Variants in EDDM13 observed in about 807,000 individuals in gnomAD.
EDDM13 encodes the protein epididymal protein 13.
Under a neutral mutation model 17.8 loss-of-function variants are expected in EDDM13, and 24 were observed. The ratio of observed to expected loss-of-function variants is 1.35; its 90% CI spans 0.98 to 1.90. The LOEUF is 1.90. Ranked by LOEUF, EDDM13 falls within the 40% of genes most tolerant of loss-of-function variation. The probability of loss-of-function intolerance (pLI) is 0.00; values close to 1 mark genes in which losing one functional copy is unlikely to be tolerated. For missense variants in EDDM13, 97 were observed against 100.8 expected (o/e 0.96, Z 0.16); for synonymous variants, 31 against 37.5 (o/e 0.83, Z 0.63).
rs914408836 is a variant in EDDM13, at chr19:56,283,086, A to G, written c.118+587A>G. ...TCCTTCCTAGGTGGGGCAATCTTAG[A>G]GAAGTCACTTCACCTCTCTGTGCCT... On this transcript the variant is annotated intron_variant, in intron 4 of 14. Transcript: ENST00000649256. 5 of 152,316 alleles carry G rather than the reference A, an allele frequency of 3.3e-5. 1 individual carries two copies. The highest frequency in any genetic ancestry group is 3.3e-4 in the Admixed American group (5 of 15,290). 9.4% of individuals were successfully genotyped at this position (152,316 alleles called of 1,614,324 possible).
chr19:56,284,896 G>A (rs968207953), intron 5 of EDDM13, 102 bp from the exon 6 acceptor site: 9 of 471,070 alleles, frequency 1.9e-5, no homozygotes, highest in East Asian at 3.1e-4. Context: ...CACACTTCCT[G>A]AAGAAGAGTT....
chr19:56,294,676 C>G (rs138946977), intron 9 of EDDM13, among the ~76,000 whole-genome samples: 3 of 152,148 alleles, frequency 2.0e-5, no homozygotes, highest in African/African-American at 7.2e-5. Flanking sequence ...GTAGACAACA[C>G]ATTGTGAATG....
At position 56,272,768 on chromosome 19, in the gene EDDM13, C is replaced by A; in HGVS notation, c.-67C>A. ...GTTTTGTCCCTGGAGCCTGGGAAGA[C>A]GGTGGGTGACCAGAGAGTCCTGTCT... On this transcript the variant is annotated 5_prime_UTR_variant, in exon 1 of 15. Coordinates refer to ENST00000649256, the MANE Select transcript of EDDM13 (RefSeq NM_001354658.2). The A allele has an allele frequency of 1.6e-6, 1 of 612,552 alleles. No individual in the cohort carries two copies. The highest frequency in any genetic ancestry group is 2.0e-6 in the Non-Finnish European group (1 of 489,368). The allele number at this position is 612,552 out of a possible 1,614,324, so 37.9% of individuals were successfully genotyped here. A position where few individuals can be genotyped will look rare whatever the true frequency, so the allele number is the denominator to read the frequency against.
chr19:56,307,567 G>A (rs1195561048), intron 14 of EDDM13, among the ~76,000 whole-genome samples: 1 of 152,118 alleles, frequency 6.6e-6, no homozygotes, highest in Non-Finnish European at 1.5e-5. Flanking sequence ...GCTGTCTTAC[G>A]TTACTCTCTT....
intron 9 of EDDM13, among the ~76,000 whole-genome samples, chr19:56,291,133 G>A (rs2039482723): frequency 6.6e-6 from 1 of 152,180 alleles, no homozygotes; most frequent in Non-Finnish European, 1.5e-5. Context: ...CGAGCTCACA[G>A]GACCGTTGCC....
chr19:56,302,526 CT>C (rs1259163160), intron 13 of EDDM13, among the ~76,000 whole-genome samples: 6 of 79,658 alleles, frequency 7.5e-5, no homozygotes, highest in South Asian at 5.5e-4. Context: ...TCCTCCCTCC[CT>C]CCCTCTTCTT....
chr19:56,296,481 T>C (rs907172946), intron 11 of EDDM13, 119 bp downstream of exon 11: 22 of 152,328 alleles, frequency 1.4e-4, no homozygotes, highest in Admixed American at 1.3e-3. Flanking sequence ...TTTATCCGTA[T>C]CATCATCTGC....
chr19:56,307,313 TG>T (rs2040756615), intron 14 of EDDM13, among the ~76,000 whole-genome samples: 1 of 152,008 alleles, frequency 6.6e-6, no homozygotes, highest in Non-Finnish European at 1.5e-5. Context: ...CCCCACCCCC[TG>T]CTGCAGTCCT....
chr19:56,281,724 A>G, intron 3 of EDDM13, 26 bp downstream of exon 3: 2 of 984,628 alleles, frequency 2.0e-6, no homozygotes, highest in South Asian at 4.7e-5. Flanking sequence ...TTCTCCCTAC[A>G]TAAATGGGGA....
intron 9 of EDDM13, among the ~76,000 whole-genome samples, chr19:56,293,166 T>C (rs2039632282): frequency 6.6e-6 from 1 of 152,156 alleles, no homozygotes; most frequent in South Asian, 2.1e-4. Flanking sequence ...TGAAAAATGG[T>C]ATCCTGCAGC....
intron 11 of EDDM13, among the ~76,000 whole-genome samples, 165 bp from the exon 12 acceptor site, chr19:56,297,340 T>C (rs1422573773): frequency 1.3e-5 from 2 of 152,026 alleles, no homozygotes; most frequent in East Asian, 3.9e-4. Flanking sequence ...TGGTTTCTTT[T>C]CTTTTCCTTT....
intron 1 of EDDM13, among the ~76,000 whole-genome samples, chr19:56,275,255 C>T (rs777117342): frequency 2.0e-5 from 3 of 152,172 alleles, no homozygotes; most frequent in Non-Finnish European, 4.4e-5. Flanking sequence ...TTAATTTTAG[C>T]ATCCATCTGT....
chr19:56,293,364 T>C (rs773811508), intron 9 of EDDM13, among the ~76,000 whole-genome samples: 14 of 152,170 alleles, frequency 9.2e-5, no homozygotes, highest in Non-Finnish European at 1.8e-4. Context: ...AACGGTGCTA[T>C]TAAACAATGC....
Position 56,284,202 on chromosome 19 carries a change from C to G in EDDM13, c.123C>G (p.Ile41Met), listed in dbSNP as rs1271132784. 2 of 984,858 alleles carry G rather than the reference C, an allele frequency of 2.0e-6. No individual in the cohort carries two copies. The highest frequency in any genetic ancestry group is 2.4e-6 in the Non-Finnish European group (2 of 829,752). 61.0% of individuals were successfully genotyped at this position (984,858 alleles called of 1,614,324 possible). Reference sequence around the variant, plus strand: ...TCCTGGATGGGCTGCCATCAGGGATCATAGGTAAGTACCTTGCCACTTCAC... The same window carrying G: ...TCCTGGATGGGCTGCCATCAGGGATGATAGGTAAGTACCTTGCCACTTCAC... ...TKEKINLLKG[I>M]IGLMSRLSPD... Residue 41 changes from isoleucine to methionine, a missense_variant, in exon 5 of 15, where the codon ATC becomes ATG. Coordinates refer to ENST00000649256, the MANE Select transcript of EDDM13 (RefSeq NM_001354658.2).
intron 9 of EDDM13, among the ~76,000 whole-genome samples, chr19:56,292,467 T>G (rs1189745691): frequency 6.6e-6 from 1 of 151,782 alleles, no homozygotes; most frequent in Non-Finnish European, 1.5e-5. Flanking sequence ...ACTTTTTTTT[T>G]TTTTACTTTT....
In EDDM13 at chr19:56,284,210, A is replaced by G. The variant is rs1397750765; in HGVS notation, c.127+4A>G. ...GGGCTGCCATCAGGGATCATAGGTA[A>G]GTACCTTGCCACTTCACAATGCCCC... On this transcript the variant is annotated splice_donor_region_variant and intron_variant, in intron 5 of 14. Coordinates refer to ENST00000649256, the MANE Select transcript of EDDM13 (RefSeq NM_001354658.2). 1.0e-6 allele frequency: 1 copy of G among 985,006 alleles called. No homozygotes were observed. The highest frequency in any genetic ancestry group is 6.1e-5 in the Admixed American group (1 of 16,270). 61.0% of individuals were successfully genotyped at this position (985,006 alleles called of 1,614,324 possible).
intron 9 of EDDM13, among the ~76,000 whole-genome samples, chr19:56,291,832 C>T (rs1325037510): frequency 1.3e-5 from 2 of 152,078 alleles, no homozygotes; most frequent in Admixed American, 6.6e-5. Context: ...AATCCCTCCT[C>T]GAATCAGGCA....
At chr19:56,301,746 A>C (rs1323585704) in intron 12 of EDDM13, among the ~76,000 whole-genome samples, 1 of 152,126 alleles carries the variant, frequency 6.6e-6, no homozygotes, top group East Asian at 1.9e-4. Context: ...CTTGGATGTG[A>C]GGTGGGAGAG....
chr19:56,298,419 C>A (rs2147227655), intron 12 of EDDM13, among the ~76,000 whole-genome samples: 1 of 152,220 alleles, frequency 6.6e-6, no homozygotes, highest in Admixed American at 6.5e-5. Flanking sequence ...AGGCGGATCA[C>A]AAGGTCAGGA....
Sources: allele counts gnomAD v4.1 joint callset (sites outside exome capture counted in the v4.1 genomes callset), GRCh38; gene constraint gnomAD v4.1.1; transcripts MANE v1.5; gene names NCBI Gene and HGNC (gene_info 2026-07-23, HGNC 2026-07-21).